Variants in SLC35F4 observed in about 807,000 individuals in gnomAD.
The protein encoded by SLC35F4 is solute carrier family 35 member F4.
Under a neutral mutation model 44.2 loss-of-function variants are expected in SLC35F4, and 24 were observed. The observed-to-expected ratio is 0.54, with a 90% CI of 0.39 to 0.76. The LOEUF is 0.76. SLC35F4 is among the 30% of genes least tolerant of loss of function. The pLI is 0.00. For synonymous variants in SLC35F4, 238 were observed against 223.6 expected (o/e 1.06, Z -0.57); for missense variants, 562 against 586.1 (o/e 0.96, Z 0.42).
chr14:57,775,852 C>A (rs1488362958), intron 1 of SLC35F4, among the ~76,000 whole-genome samples: 1 of 152,108 alleles, frequency 6.6e-6, no homozygotes, highest in African/African-American at 2.4e-5. Flanking sequence ...AAATGAAGAT[C>A]ATTGAGATTC....
intron 1 of SLC35F4, among the ~76,000 whole-genome samples, chr14:57,944,455 C>T (rs1413665892): frequency 9.2e-5 from 14 of 152,000 alleles, no homozygotes; most frequent in Non-Finnish European, 2.1e-4. Context: ...TACCGCTTTC[C>T]CACCCTCACT....
In SLC35F4 at chr14:57,599,155, A is replaced by G. The variant is rs149627614; in HGVS notation, c.104-5031T>C. Among the ~76,000 whole-genome samples, 905 of 152,336 alleles carry G rather than the reference A, an allele frequency of 5.9e-3. 6 individuals are homozygous for G. Among genetic ancestry groups the G allele is most frequent in the African/African-American group, 0.02 (846 of 41,574 alleles). On this transcript the variant is annotated intron_variant, in intron 1 of 7. Coordinates refer to ENST00000556826, the MANE Select transcript of SLC35F4 (RefSeq NM_001306087.2). ...ATGTATTTGCAAATTATGCTTAACC[A>G]TAACACAACTTTGTCTGTTTTCAAC... is the stretch of plus-strand genomic sequence containing the variant.
At chr14:57,660,248 G>A (rs1354095546) in intron 1 of SLC35F4, among the ~76,000 whole-genome samples, 13 of 152,148 alleles carry the variant, frequency 8.5e-5, no homozygotes, top group Non-Finnish European at 1.9e-4. Flanking sequence ...GCATGTTTAT[G>A]CACATAGAAC....
chr14:57,945,990 ATTTG>A (rs764533613), intron 1 of SLC35F4, among the ~76,000 whole-genome samples: 18 of 151,644 alleles, frequency 1.2e-4, no homozygotes, highest in South Asian at 2.1e-4. Flanking sequence ...TTTCTCGATG[ATTTG>A]TTTGAGTGCC....
intron 1 of SLC35F4, among the ~76,000 whole-genome samples, chr14:57,979,491 G>A (rs1314619639): frequency 6.6e-6 from 1 of 152,156 alleles, no homozygotes; most frequent in Non-Finnish European, 1.5e-5. Flanking sequence ...GTAGTGCCTT[G>A]TCTTGAGCCA....
At chr14:57,773,802 T>C (rs2140697840) in intron 1 of SLC35F4, among the ~76,000 whole-genome samples, 1 of 152,278 alleles carries the variant, frequency 6.6e-6, no homozygotes, top group South Asian at 2.1e-4. Flanking sequence ...CCCAGATCTC[T>C]AATAGAATCC....
In SLC35F4 at chr14:57,686,160, T is replaced by A. The variant is rs117274943; in HGVS notation, c.104-92036A>T. Among the ~76,000 whole-genome samples the A allele has an allele frequency of 5.1e-3, 780 of 152,312 alleles. 3 individuals carry two copies. The highest frequency in any genetic ancestry group is 7.8e-3 in the Admixed American group (119 of 15,288). On this transcript the variant is annotated intron_variant, in intron 1 of 7. Coordinates refer to ENST00000556826, the MANE Select transcript of SLC35F4 (RefSeq NM_001306087.2). ...TTTCTAAGTAGAAAGTAAAGCATTA[T>A]GGAGGAGGCGTTGATTCTCATATTA... is the stretch of plus-strand genomic sequence containing the variant.
intron 1 of SLC35F4, among the ~76,000 whole-genome samples, chr14:57,610,133 T>A (rs941605101): frequency 5.9e-5 from 9 of 152,224 alleles, no homozygotes; most frequent in African/African-American, 2.2e-4. Flanking sequence ...AGTCTCTATG[T>A]TCCAGACATT....
chr14:57,709,885 A>T (rs562469678), intron 1 of SLC35F4, among the ~76,000 whole-genome samples: 2 of 152,210 alleles, frequency 1.3e-5, no homozygotes, highest in Admixed American at 6.5e-5. Context: ...TTTTAAAGGG[A>T]AGCAGAACAT....
intron 1 of SLC35F4, among the ~76,000 whole-genome samples, chr14:57,892,258 T>C (rs1888785313): frequency 6.6e-6 from 1 of 152,224 alleles, no homozygotes; most frequent in Admixed American, 6.5e-5. Flanking sequence ...AGGGAGGATC[T>C]CAGATTAAAT....
At chr14:57,735,349 T>C (rs2076437269) in intron 1 of SLC35F4, among the ~76,000 whole-genome samples, 3 of 152,230 alleles carry the variant, frequency 2.0e-5, no homozygotes, top group Non-Finnish European at 4.4e-5. Context: ...CTTCAAACGA[T>C]GCTTTGTGAT....
chr14:57,597,438 A>G (rs1418785778), intron 1 of SLC35F4, among the ~76,000 whole-genome samples: 1 of 152,214 alleles, frequency 6.6e-6, no homozygotes, highest in Non-Finnish European at 1.5e-5. Context: ...TTCAACAAGT[A>G]GTTATTAAGC....
chr14:57,729,678 G>A (rs865805671), intron 1 of SLC35F4, among the ~76,000 whole-genome samples: 1 of 152,058 alleles, frequency 6.6e-6, no homozygotes, highest in African/African-American at 2.4e-5. Flanking sequence ...ACTGGGGGAG[G>A]GATGCACAAG....
rs150692899 is a variant in SLC35F4 at position 57,926,896 on chromosome 14, C to T, written n.282+55017G>A. Reference sequence around the variant, plus strand: ...CTCACCTGAAGTGGAGCCTGCGATTCCAAAGCTGCCCTCTGGTCTCCTTTT... The same window carrying T: ...CTCACCTGAAGTGGAGCCTGCGATTTCAAAGCTGCCCTCTGGTCTCCTTTT... On this transcript the variant is annotated intron_variant and non_coding_transcript_variant, in intron 1 of 1. Coordinates refer to the SLC35F4 transcript ENST00000556568. 5.1e-4 allele frequency among the ~76,000 whole-genome samples: 78 copies of T among 152,284 alleles called. 1 individual carries two copies. Among genetic ancestry groups the T allele is most frequent in the Admixed American group, 3.0e-3 (46 of 15,298 alleles).
At chr14:57,890,200 C>G (rs573513334) in intron 1 of SLC35F4, among the ~76,000 whole-genome samples, 1 of 152,310 alleles carries the variant, frequency 6.6e-6, no homozygotes, top group East Asian at 1.9e-4. Context: ...TGGTCCAATA[C>G]TGATGGGCAA....
At chr14:57,646,205 C>A (rs1179463302) in intron 1 of SLC35F4, among the ~76,000 whole-genome samples, 2 of 152,138 alleles carry the variant, frequency 1.3e-5, no homozygotes, top group Admixed American at 6.5e-5. Flanking sequence ...ATGGTACCAG[C>A]TCCTCTTTGT....
At chr14:57,855,631 C>T (rs778916770) in intron 1 of SLC35F4, among the ~76,000 whole-genome samples, 17 of 152,116 alleles carry the variant, frequency 1.1e-4, no homozygotes, top group African/African-American at 3.1e-4. Flanking sequence ...GACAGTGTGG[C>T]GATTCCTCAA....
chr14:57,591,924 C>G (rs1181458376), intron 2 of SLC35F4, among the ~76,000 whole-genome samples: 1 of 152,206 alleles, frequency 6.6e-6, no homozygotes, highest in Non-Finnish European at 1.5e-5. Flanking sequence ...CACCACTATA[C>G]TATGGGTGTG....
chr14:57,786,509 G>A (rs1305089927), intron 1 of SLC35F4, among the ~76,000 whole-genome samples: 1 of 152,152 alleles, frequency 6.6e-6, no homozygotes, highest in African/African-American at 2.4e-5. Context: ...CCCTCACGGA[G>A]TCCATTGCAC....
Sources: allele counts gnomAD v4.1 joint callset (sites outside exome capture counted in the v4.1 genomes callset), GRCh38; gene constraint gnomAD v4.1.1; transcripts MANE v1.5; gene names NCBI Gene and HGNC (gene_info 2026-07-23, HGNC 2026-07-21).